MEF2A: variants seen among roughly 807,000 people sequenced by gnomAD.
The protein encoded by MEF2A is myocyte-specific enhancer factor 2A.
A neutral mutation model predicts 55.8 loss-of-function variants in MEF2A; 28 were observed. That is an observed-to-expected ratio of 0.50 (90% CI 0.37 to 0.69). The LOEUF (loss-of-function observed/expected upper bound fraction) is 0.69, where lower values mean the gene tolerates loss of function less well. Among genes scored for constraint, MEF2A ranks in the 30% least tolerant of loss-of-function variants. MEF2A has a pLI of 0.00. For synonymous variants in MEF2A, 239 were observed against 227.1 expected, an observed-to-expected ratio of 1.05 and a Z score of -0.47; for missense variants, 528 against 626.2, an observed-to-expected ratio of 0.84 and a Z score of 1.67.
chr15:99,600,481 A>C (rs960233179), intron 2 of MEF2A, among the ~76,000 whole-genome samples: 1 of 152,158 alleles, frequency 6.6e-6, no homozygotes, highest in Non-Finnish European at 1.5e-5. Context: ...AAGGTTTGTC[A>C]TAGGGATTAG....
intron 3 of MEF2A, among the ~76,000 whole-genome samples, chr15:99,635,024 G>A (rs1298323360): frequency 6.6e-6 from 1 of 152,164 alleles, no homozygotes; most frequent in East Asian, 1.9e-4. Flanking sequence ...GAGAAAAACT[G>A]TATCTTTGCA....
At chr15:99,662,866 T>G (rs2048901389) in intron 4 of MEF2A, among the ~76,000 whole-genome samples, 1 of 152,244 alleles carries the variant, frequency 6.6e-6, no homozygotes, top group East Asian at 1.9e-4. Context: ...GAGCATGTAC[T>G]GCTCAGCTGT....
chr15:99,634,690 T>C (rs1046499064), intron 3 of MEF2A, among the ~76,000 whole-genome samples: 1 of 152,130 alleles, frequency 6.6e-6, no homozygotes, highest in African/African-American at 2.4e-5. Flanking sequence ...TAGGTGACGG[T>C]AATGGAACTT....
intron 8 of MEF2A, among the ~76,000 whole-genome samples, chr15:99,696,353 T>A (rs1430245837): frequency 6.6e-6 from 1 of 152,054 alleles, no homozygotes; most frequent in African/African-American, 2.4e-5. Flanking sequence ...TCACATCCTG[T>A]GCCAGGAAAC....
chr15:99,669,609 A>G (rs969445373), intron 4 of MEF2A, among the ~76,000 whole-genome samples: 2 of 152,248 alleles, frequency 1.3e-5, no homozygotes, highest in African/African-American at 2.4e-5. Context: ...TGTGTTTGCT[A>G]TATGCACATG....
At chr15:99,641,733 G>C (rs1314098341) in intron 3 of MEF2A, among the ~76,000 whole-genome samples, 1 of 151,958 alleles carries the variant, frequency 6.6e-6, no homozygotes, top group Non-Finnish European at 1.5e-5. Context: ...TAAAAAATTT[G>C]TCTTCTCATA....
chr15:99,696,456 G>A (rs1448024385), intron 8 of MEF2A, among the ~76,000 whole-genome samples: 1 of 152,080 alleles, frequency 6.6e-6, no homozygotes, highest in Non-Finnish European at 1.5e-5. Context: ...AAAGGTAGTA[G>A]GAAAATGGCC....
At chr15:99,674,207 T>C (rs2051441692) in intron 5 of MEF2A, among the ~76,000 whole-genome samples, 186 bp from the exon 6 acceptor site, 1 of 152,102 alleles carries the variant, frequency 6.6e-6, no homozygotes, top group South Asian at 2.1e-4. Context: ...AAAAGGCTCA[T>C]GTCAGTCATA....
At chr15:99,703,447 C>A (rs1339596758) in intron 9 of MEF2A, 62 bp downstream of exon 9, 2 of 1,523,182 alleles carry the variant, frequency 1.3e-6, no homozygotes, top group South Asian at 2.5e-5. Flanking sequence ...AATTCTCTTA[C>A]GTGTTGTTAT....
chr15:99,671,848 A>G (rs2050936334), intron 5 of MEF2A, among the ~76,000 whole-genome samples: 2 of 152,256 alleles, frequency 1.3e-5, no homozygotes, highest in Admixed American at 6.5e-5. Flanking sequence ...TCTTAAATGT[A>G]GAAGTGAAGA....
intron 3 of MEF2A, among the ~76,000 whole-genome samples, chr15:99,641,336 A>G (rs2044884428): frequency 1.3e-5 from 2 of 152,120 alleles, no homozygotes; most frequent in African/African-American, 2.4e-5. Flanking sequence ...CTGCATCAGC[A>G]TGGCTGCCAG....
At chr15:99,595,748 AC>A (rs1241317838) in intron 1 of MEF2A, among the ~76,000 whole-genome samples, 10 of 152,242 alleles carry the variant, frequency 6.6e-5, no homozygotes, top group Non-Finnish European at 1.5e-5. Flanking sequence ...AGATGGCGTC[AC>A]AGAACGCGTC....
chr15:99,626,855 G>A (rs183119127), intron 2 of MEF2A, among the ~76,000 whole-genome samples: 75 of 152,248 alleles, frequency 4.9e-4, no homozygotes, highest in Middle Eastern at 6.8e-3. Context: ...AACCGAAAGC[G>A]AAGATGACTG....
At chr15:99,671,281 A>G (rs770398252) in intron 4 of MEF2A, 42 bp from the exon 5 acceptor site, 2 of 1,578,378 alleles carry the variant, frequency 1.3e-6, no homozygotes, top group Non-Finnish European at 1.7e-6. Context: ...ACTCATGGCA[A>G]GTTAGCATTA....
intron 1 of MEF2A, among the ~76,000 whole-genome samples, chr15:99,571,000 C>T (rs1391430001): frequency 6.6e-6 from 1 of 151,966 alleles, no homozygotes; most frequent in East Asian, 1.9e-4. Context: ...ACCTGGCCAA[C>T]GTGGTGAAAC....
chr15:99,691,100 G>A (rs1484961355), intron 8 of MEF2A, among the ~76,000 whole-genome samples: 1 of 122,912 alleles, frequency 8.1e-6, no homozygotes, highest in African/African-American at 3.0e-5. Flanking sequence ...TTCGAATCAG[G>A]TTTTTTTTTT....
intron 7 of MEF2A, among the ~76,000 whole-genome samples, chr15:99,675,895 C>T (rs534083717): frequency 6.6e-6 from 1 of 152,116 alleles, no homozygotes; most frequent in African/African-American, 2.4e-5. Context: ...AAAAATTTAG[C>T]TGGGCGTGGC....
chr15:99,700,178 G>A (rs1192250246), intron 8 of MEF2A, among the ~76,000 whole-genome samples: 1 of 44,900 alleles, frequency 2.2e-5, no homozygotes, highest in Non-Finnish European at 6.4e-5. Flanking sequence ...GTATATATGT[G>A]TGTATATATA....
intron 4 of MEF2A, among the ~76,000 whole-genome samples, chr15:99,655,897 T>G (rs984888381): frequency 6.6e-6 from 1 of 152,158 alleles, no homozygotes; most frequent in Non-Finnish European, 1.5e-5. Context: ...TGGCTCTCTC[T>G]TTCATTTAAC....
Sources: allele counts gnomAD v4.1 joint callset (sites outside exome capture counted in the v4.1 genomes callset), GRCh38; gene constraint gnomAD v4.1.1; transcripts MANE v1.5; gene names NCBI Gene and HGNC (gene_info 2026-07-23, HGNC 2026-07-21).